Variants in PPP3R1 observed in about 807,000 individuals in gnomAD.
PPP3R1 encodes the protein calcineurin subunit B type 1.
In PPP3R1, 5 loss-of-function variants were observed where a neutral mutation model predicts 22.6. The ratio of observed to expected loss-of-function variants is 0.22; its 90% CI spans 0.12 to 0.46. The LOEUF (loss-of-function observed/expected upper bound fraction) is 0.46, where lower values mean the gene tolerates loss of function less well. PPP3R1 is among the 20% of genes least tolerant of loss of function. The pLI, the probability that PPP3R1 is intolerant of heterozygous loss-of-function variation, is 0.99. For missense variants in PPP3R1, 61 were observed against 203.2 expected (o/e 0.30, Z 4.25); for synonymous variants, 56 against 65.2 (o/e 0.86, Z 0.68).
Position 68,251,981 on chromosome 2 carries a change from A to G in PPP3R1, c.3+144T>C, listed in dbSNP as rs1175239106. On this transcript the variant is annotated intron_variant, in intron 1 of 5. Coordinates refer to ENST00000234310, the MANE Select transcript of PPP3R1 (RefSeq NM_000945.4). ...CGCCGCCCTCTCCGGCTCGCCCGCA[A>G]CCGCCGCGGGACCCGCCGGGCCCGG... is the stretch of plus-strand genomic sequence containing the variant. 6 of 853,938 alleles carry G rather than the reference A, an allele frequency of 7.0e-6. No individual in the cohort carries two copies. In the Admixed American group the frequency reaches 2.1e-4, roughly 30 times the overall value. 52.9% of individuals were successfully genotyped at this position (853,938 alleles called of 1,614,324 possible).
chr2:68,219,184 A>G (rs1023843718), intron 1 of PPP3R1, among the ~76,000 whole-genome samples: 1 of 152,144 alleles, frequency 6.6e-6, no homozygotes, highest in African/African-American at 2.4e-5. Context: ...TCACTCTCCC[A>G]AACAGCACCA....
chr2:68,193,586 T>C (rs956932818), intron 2 of PPP3R1, among the ~76,000 whole-genome samples: 1 of 152,124 alleles, frequency 6.6e-6, no homozygotes, highest in African/African-American at 2.4e-5. Flanking sequence ...AAATGGTAAA[T>C]ATAGTTATTT....
chr2:68,247,900 A>T (rs1319840901), intron 1 of PPP3R1, among the ~76,000 whole-genome samples: 2 of 152,192 alleles, frequency 1.3e-5, no homozygotes, highest in Non-Finnish European at 2.9e-5. Flanking sequence ...TTATTTCTGA[A>T]TCCTCATGTC....
chr2:68,187,226 G>C, intron 4 of PPP3R1, 29 bp downstream of exon 4: 1 of 1,541,950 alleles, frequency 6.5e-7, no homozygotes, highest in East Asian at 2.3e-5. Context: ...TAGTATAAGA[G>C]AATGAAGTCA....
At chr2:68,192,127 C>T (rs771491844) in intron 2 of PPP3R1, among the ~76,000 whole-genome samples, 1 of 152,150 alleles carries the variant, frequency 6.6e-6, no homozygotes, top group Non-Finnish European at 1.5e-5. Context: ...AACCAGGTAC[C>T]AATCAGCAAA....
chr2:68,210,171 A>T (rs972314560), intron 2 of PPP3R1, among the ~76,000 whole-genome samples: 1 of 152,250 alleles, frequency 6.6e-6, no homozygotes, highest in African/African-American at 2.4e-5. Context: ...CCAGAACCTC[A>T]TATCTTAATC....
intron 1 of PPP3R1, among the ~76,000 whole-genome samples, chr2:68,231,034 C>T (rs1415836725): frequency 1.3e-5 from 2 of 152,176 alleles, no homozygotes; most frequent in African/African-American, 2.4e-5. Flanking sequence ...TTGCCAAATT[C>T]GCAAAATTTT....
rs1195019588 is a variant in PPP3R1 at position 68,232,178 on chromosome 2, TAC to T, written c.4-15049_4-15048del. On this transcript the variant is annotated intron_variant, in intron 1 of 5. Coordinates refer to ENST00000234310, the MANE Select transcript of PPP3R1 (RefSeq NM_000945.4). Reference sequence around the variant, plus strand: ...ATATATACATATATAAATACATATATACGTATATGTATATACATATTATATAC... The same window carrying T: ...ATATATACATATATAAATACATATATGTATATGTATATACATATTATATAC... Among the ~76,000 whole-genome samples the T allele has an allele frequency of 1.4e-4, 13 of 90,472 alleles. No homozygotes were observed. In the South Asian group the frequency reaches 4.3e-3, roughly 30 times the overall value. The allele number at this position is 90,472 out of a possible 152,430, so 59.4% of individuals were successfully genotyped here.
intron 2 of PPP3R1, among the ~76,000 whole-genome samples, chr2:68,200,291 T>C (rs1328736845): frequency 1.3e-5 from 2 of 152,186 alleles, no homozygotes; most frequent in Non-Finnish European, 2.9e-5. Flanking sequence ...TGTTTTGTTT[T>C]CTAGATTGCT....
At chr2:68,206,749 T>G (rs978304849) in intron 2 of PPP3R1, among the ~76,000 whole-genome samples, 1 of 152,220 alleles carries the variant, frequency 6.6e-6, no homozygotes, top group Non-Finnish European at 1.5e-5. Flanking sequence ...TTTTTCCCAG[T>G]GGCTAATCCA....
chr2:68,203,601 C>CAAAA (rs35483386), intron 2 of PPP3R1, among the ~76,000 whole-genome samples: 1 of 142,306 alleles, frequency 7.0e-6, no homozygotes, highest in Admixed American at 7.0e-5. Flanking sequence ...AACTCTGTCT[C>CAAAA]AAAAAAAAAA....
chr2:68,205,278 C>T (rs1014193514), intron 2 of PPP3R1, among the ~76,000 whole-genome samples: 3 of 141,284 alleles, frequency 2.1e-5, no homozygotes, highest in African/African-American at 5.4e-5. Context: ...GCGTTTCACT[C>T]GTTGCCCAGG....
intron 1 of PPP3R1, among the ~76,000 whole-genome samples, chr2:68,244,345 C>T (rs967625626): frequency 1.3e-5 from 2 of 152,198 alleles, no homozygotes; most frequent in Non-Finnish European, 2.9e-5. Context: ...AACTGCCTAA[C>T]AATTCCCCAA....
At chr2:68,182,986 G>A (rs1674447406) in intron 5 of PPP3R1, among the ~76,000 whole-genome samples, 1 of 152,082 alleles carries the variant, frequency 6.6e-6, no homozygotes, top group Admixed American at 6.5e-5. Context: ...CTGCACTCTA[G>A]ACTTTTTGTC....
At chr2:68,238,408 G>C (rs370704912) in intron 1 of PPP3R1, among the ~76,000 whole-genome samples, 33 of 152,254 alleles carry the variant, frequency 2.2e-4, no homozygotes, top group Middle Eastern at 6.8e-3. Flanking sequence ...AAAGGGGAGA[G>C]ACATTGCCAA....
At chr2:68,229,874 GTA>G (rs199619441) in intron 1 of PPP3R1, among the ~76,000 whole-genome samples, 2 of 151,648 alleles carry the variant, frequency 1.3e-5, no homozygotes, top group African/African-American at 2.4e-5. Context: ...GTGTGTGTGT[GTA>G]TGTATGTGTG....
At chr2:68,197,576 C>A (rs1674813133) in intron 2 of PPP3R1, among the ~76,000 whole-genome samples, 1 of 152,094 alleles carries the variant, frequency 6.6e-6, no homozygotes, top group Non-Finnish European at 1.5e-5. Context: ...ACTCTCCCAT[C>A]AGCAATATAT....
intron 2 of PPP3R1, among the ~76,000 whole-genome samples, chr2:68,208,111 C>T (rs1246963022): frequency 6.6e-6 from 1 of 152,160 alleles, no homozygotes; most frequent in Non-Finnish European, 1.5e-5. Context: ...CGAGACCACG[C>T]CATTGCACTC....
At chr2:68,218,753 A>G (rs1347828379) in intron 1 of PPP3R1, among the ~76,000 whole-genome samples, 2 of 150,724 alleles carry the variant, frequency 1.3e-5, no homozygotes, top group Non-Finnish European at 2.9e-5. Flanking sequence ...AATAAGTATC[A>G]TTACTGTTTT....
Sources: allele counts gnomAD v4.1 joint callset (sites outside exome capture counted in the v4.1 genomes callset), GRCh38; gene constraint gnomAD v4.1.1; transcripts MANE v1.5; gene names NCBI Gene and HGNC (gene_info 2026-07-23, HGNC 2026-07-21).